Variants in ATXN7L1 observed in about 807,000 individuals in gnomAD.
ATXN7L1 encodes the protein ataxin 7 like 1, also known as ataxin-7-like protein 1.
A neutral mutation model predicts 70.8 loss-of-function variants in ATXN7L1; 15 were observed. The observed-to-expected ratio is 0.21, with a 90% CI of 0.14 to 0.33. The LOEUF (loss-of-function observed/expected upper bound fraction) is 0.33, where lower values mean the gene tolerates loss of function less well. Among genes scored for constraint, ATXN7L1 ranks in the 10% least tolerant of loss-of-function variants. The pLI is 1.00. For synonymous variants in ATXN7L1, 440 were observed against 445.1 expected, an observed-to-expected ratio of 0.99 and a Z score of 0.14; for missense variants, 975 against 1,097.1, an observed-to-expected ratio of 0.89 and a Z score of 1.57.
At chr7:105,728,189 A>C (rs535986871) in intron 3 of ATXN7L1, among the ~76,000 whole-genome samples, 1 of 152,316 alleles carries the variant, frequency 6.6e-6, no homozygotes, top group African/African-American at 2.4e-5. Flanking sequence ...ACGTGTAAAA[A>C]AACTTCACTG....
intron 2 of ATXN7L1, among the ~76,000 whole-genome samples, chr7:105,845,246 A>G (rs10267473): frequency 0.025 from 3,610 of 143,344 alleles, 156 homozygotes; most frequent in African/African-American, 0.087. Flanking sequence ...GTTCAGTTGT[A>G]TTTCTACACA....
chr7:105,613,127 GAGA>G (rs1239799018), intron 10 of ATXN7L1, among the ~76,000 whole-genome samples: 1 of 152,222 alleles, frequency 6.6e-6, no homozygotes. Context: ...CCAGCCGGAG[GAGA>G]AGGACTAGAC....
At chr7:105,797,115 G>A (rs1436770813) in intron 2 of ATXN7L1, among the ~76,000 whole-genome samples, 2 of 152,232 alleles carry the variant, frequency 1.3e-5, no homozygotes, top group Non-Finnish European at 2.9e-5. Context: ...CAAGGGGAGT[G>A]AGCGTGCGGG....
At chr7:105,772,398 C>T (rs1035581795) in intron 3 of ATXN7L1, among the ~76,000 whole-genome samples, 4 of 151,770 alleles carry the variant, frequency 2.6e-5, no homozygotes, top group African/African-American at 7.3e-5. Context: ...AAAAAGCCAG[C>T]GATATACTGC....
intron 6 of ATXN7L1, 37 bp downstream of exon 6, chr7:105,639,450 C>T (rs1358721027): frequency 2.7e-6 from 4 of 1,501,702 alleles, no homozygotes; most frequent in South Asian, 1.2e-5. Flanking sequence ...AAGGCCCCAG[C>T]GAGAGCAGGA....
intron 3 of ATXN7L1, among the ~76,000 whole-genome samples, chr7:105,743,594 A>G (rs1798255242): frequency 6.6e-6 from 1 of 152,128 alleles, no homozygotes; most frequent in Non-Finnish European, 1.5e-5. Flanking sequence ...TCGCTTTAGA[A>G]GTCCGTGACT....
chr7:105,754,306 C>T (rs1344427351), intron 3 of ATXN7L1, among the ~76,000 whole-genome samples: 3 of 152,128 alleles, frequency 2.0e-5, no homozygotes, highest in Non-Finnish European at 4.4e-5. Context: ...TCTCACTGCC[C>T]ATCTTGGAAG....
intron 3 of ATXN7L1, among the ~76,000 whole-genome samples, chr7:105,702,290 C>T (rs1437261745): frequency 2.0e-5 from 3 of 152,176 alleles, no homozygotes; most frequent in African/African-American, 4.8e-5. Flanking sequence ...CAAGGCCACC[C>T]TATGGGGACT....
chr7:105,869,113 G>T (rs1009829569), intron 2 of ATXN7L1, among the ~76,000 whole-genome samples: 1 of 152,140 alleles, frequency 6.6e-6, no homozygotes, highest in Admixed American at 6.5e-5. Flanking sequence ...GAGCTTATAG[G>T]TCTCCAAGCC....
intron 2 of ATXN7L1, among the ~76,000 whole-genome samples, chr7:105,873,712 A>C (rs887080975): frequency 6.6e-6 from 1 of 152,214 alleles, no homozygotes; most frequent in African/African-American, 2.4e-5. Flanking sequence ...GGGTGTCCTT[A>C]ATGCAAATAT....
chr7:105,658,912 G>A (rs1801130887), intron 4 of ATXN7L1, among the ~76,000 whole-genome samples: 1 of 152,214 alleles, frequency 6.6e-6, no homozygotes, highest in Admixed American at 6.5e-5. Context: ...GGGAGGCCAA[G>A]GCAGACGGAT....
chr7:105,733,719 C>T (rs1796982921), intron 3 of ATXN7L1, among the ~76,000 whole-genome samples: 1 of 146,158 alleles, frequency 6.8e-6, no homozygotes, highest in African/African-American at 2.5e-5. Context: ...TCCACCCATC[C>T]ATCCATCCTT....
rs1219555277 is a variant in ATXN7L1, at chr7:105,864,790, T to C, written c.250+11022A>G. On this transcript the variant is annotated intron_variant, in intron 2 of 11. Transcript: ENST00000419735. The stretch of plus-strand genomic sequence containing the variant: ...CTAGGACTACAAGCACATGCCACCA[T>C]ACCTGGCTAATTTTTGTATTTTTTT... 2.6e-5 allele frequency among the ~76,000 whole-genome samples: 4 copies of C among 152,004 alleles called. No individual in the cohort carries two copies. In the South Asian group the frequency reaches 6.2e-4, roughly 24 times the overall value.
At chr7:105,692,162 T>A (rs776089206) in intron 3 of ATXN7L1, among the ~76,000 whole-genome samples, 33 of 152,058 alleles carry the variant, frequency 2.2e-4, no homozygotes, top group Non-Finnish European at 8.8e-5. Context: ...AGAGAACTGG[T>A]TGGGGGAGGG....
chr7:105,641,410 G>A (rs1368960990), intron 5 of ATXN7L1, among the ~76,000 whole-genome samples: 1 of 151,748 alleles, frequency 6.6e-6, no homozygotes, highest in Admixed American at 6.6e-5. Flanking sequence ...TGAGCAGGCT[G>A]TTGGCTGAGG....
At chr7:105,627,573 C>T (rs191901263) in intron 7 of ATXN7L1, among the ~76,000 whole-genome samples, 13 of 150,834 alleles carry the variant, frequency 8.6e-5, no homozygotes, top group African/African-American at 3.2e-4. Flanking sequence ...GCTCTGTTGC[C>T]CAGGCTGGAG....
At chr7:105,687,271 C>T (rs1355678787) in intron 3 of ATXN7L1, among the ~76,000 whole-genome samples, 2 of 152,190 alleles carry the variant, frequency 1.3e-5, no homozygotes, top group Non-Finnish European at 2.9e-5. Flanking sequence ...GAGGCAGGAC[C>T]AGGCTTGGCA....
intron 9 of ATXN7L1, among the ~76,000 whole-genome samples, chr7:105,619,530 ATTTTTTTTTTTTTTTTTTTTTTTTTTT>A (rs10593739): frequency 9.9e-4 from 15 of 15,192 alleles, no homozygotes; most frequent in Middle Eastern, 0.062. Flanking sequence ...ATATATATAT[ATTTTTTTTTTTTTTTTTTTTTTTTTTT>A]TTTTTTTTTT....
At chr7:105,640,360 G>C (rs879839414) in intron 5 of ATXN7L1, among the ~76,000 whole-genome samples, 2 of 152,132 alleles carry the variant, frequency 1.3e-5, no homozygotes, top group Non-Finnish European at 2.9e-5. Flanking sequence ...ATGTCTGTGC[G>C]GAGAGGCCAG....
Sources: allele counts gnomAD v4.1 joint callset (sites outside exome capture counted in the v4.1 genomes callset), GRCh38; gene constraint gnomAD v4.1.1; transcripts MANE v1.5; gene names NCBI Gene and HGNC (gene_info 2026-07-23, HGNC 2026-07-21).